The following PNPLA1 variants were observed in gnomAD, a reference collection of about 807,000 sequenced individuals.
PNPLA1 encodes patatin like domain 1, omega-hydroxyceramide transacylase.
PNPLA1 carries 36 observed loss-of-function variants against 51.7 expected under a neutral mutation model. The observed-to-expected ratio is 0.70, with a 90% CI of 0.53 to 0.92. The LOEUF (loss-of-function observed/expected upper bound fraction) is 0.92. Ranked by LOEUF, PNPLA1 falls within the 40% of genes least tolerant of loss-of-function variation. The pLI is 0.00. For missense variants in PNPLA1, 658 were observed against 682.5 expected (o/e 0.96, Z 0.40); for synonymous variants, 293 against 280.1 (o/e 1.05, Z -0.46).
intron 1 of PNPLA1, among the ~76,000 whole-genome samples, chr6:36,246,640 G>A (rs1402176622): frequency 6.6e-6 from 1 of 152,116 alleles, no homozygotes; most frequent in African/African-American, 2.4e-5. Context: ...CAACAGGAAG[G>A]TCCTTTATGC....
intron 1 of PNPLA1, among the ~76,000 whole-genome samples, chr6:36,243,947 C>T (rs1333184259): frequency 2.0e-5 from 3 of 152,202 alleles, no homozygotes; most frequent in African/African-American, 4.8e-5. Flanking sequence ...TCCCAACAGT[C>T]CAGGTGGGTT....
intron 6 of PNPLA1, among the ~76,000 whole-genome samples, chr6:36,302,914 A>G (rs1403415051): frequency 6.6e-6 from 1 of 152,168 alleles, no homozygotes; most frequent in East Asian, 1.9e-4. Context: ...AGTGGTCCGC[A>G]GACCAACCCA....
At chr6:36,254,466 T>C (rs1386401881) in intron 1 of PNPLA1, among the ~76,000 whole-genome samples, 1 of 152,030 alleles carries the variant, frequency 6.6e-6, no homozygotes, top group African/African-American at 2.4e-5. Context: ...GTCCCAGCTA[T>C]GCTGGAGGCT....
chr6:36,292,198 C>G (rs890264614), intron 2 of PNPLA1, among the ~76,000 whole-genome samples: 3 of 152,132 alleles, frequency 2.0e-5, no homozygotes, highest in African/African-American at 7.2e-5. Flanking sequence ...CCCCCACATA[C>G]AGGGGCTTCG....
rs371283191 is a variant in PNPLA1, at chr6:36,270,618, G to A, written c.159G>A (p.Ser53=). The change falls in exon 1 of 9, where the codon TCG becomes TCA. Residue 53 remains serine (S), a synonymous_variant. Transcript: ENST00000636260. Reference sequence around the variant, plus strand: ...CAGCCCACCGCTTTGCGGGGACATCGGCAGGTGCTGTGATCGCCGCCCTGG... The same window carrying A: ...CAGCCCACCGCTTTGCGGGGACATCAGCAGGTGCTGTGATCGCCGCCCTGG... The part of the protein sequence containing the change: ...LETAHRFAGT[S]AGAVIAALAI... 38 of 1,551,500 alleles carry A rather than the reference G, an allele frequency of 2.4e-5. No individual in the cohort carries two copies. The highest frequency in any genetic ancestry group is 1.7e-4 in the East Asian group (7 of 40,930).
At chr6:36,293,232 G>A in intron 3 of PNPLA1, 106 bp downstream of exon 3, 2 of 1,134,086 alleles carry the variant, frequency 1.8e-6, no homozygotes, top group Non-Finnish European at 1.3e-6. Flanking sequence ...TGCAGCGGGA[G>A]GACCTAGAGT....
chr6:36,258,515 T>G (rs976005857), intron 1 of PNPLA1, among the ~76,000 whole-genome samples: 4 of 152,252 alleles, frequency 2.6e-5, no homozygotes, highest in African/African-American at 9.6e-5. Context: ...ATAGTTGTTT[T>G]TTATAATTTT....
chr6:36,293,151 G>A, intron 3 of PNPLA1, 25 bp downstream of exon 3: 2 of 1,610,024 alleles, frequency 1.2e-6, no homozygotes, highest in Non-Finnish European at 1.7e-6. Context: ...ATGGTGAGGG[G>A]TGAGATGGGA....
At position 36,302,062 on chromosome 6, in the gene PNPLA1, C is replaced by T. The variant is rs368719584; in HGVS notation, c.977C>T (p.Pro326Leu). ...PKGDGRGSHG[P>L]PVSQPVQTLE... ...GGGGATGGAAGGGGCAGCCATGGTC[C>T]GCCTGTGTCCCAACCTGTGCAGACA... The change falls in exon 6 of 9, where the codon CCG becomes CTG. Residue 326 changes from proline to leucine, a missense_variant. Pro to Leu is a moderately conservative substitution (Grantham distance 98, BLOSUM62 -3). Transcript: ENST00000636260. 6.6e-5 allele frequency: 107 copies of T among 1,614,190 alleles called. No homozygotes were observed. The highest frequency in any genetic ancestry group is 8.1e-5 in the Non-Finnish European group (96 of 1,180,032).
chr6:36,293,157 T>C (rs1224684491), intron 3 of PNPLA1, 31 bp downstream of exon 3: 4 of 1,607,560 alleles, frequency 2.5e-6, no homozygotes, highest in Non-Finnish European at 2.6e-6. Context: ...AGGGGTGAGA[T>C]GGGATCCAAG....
intron 1 of PNPLA1, among the ~76,000 whole-genome samples, chr6:36,290,358 G>A (rs1289094603): frequency 6.6e-6 from 1 of 152,214 alleles, no homozygotes; most frequent in African/African-American, 2.4e-5. Context: ...CTCGGCTGCA[G>A]AAGAAGCTTT....
intron 1 of PNPLA1, among the ~76,000 whole-genome samples, chr6:36,256,337 A>AG (rs1340127625): frequency 6.6e-6 from 1 of 152,158 alleles, no homozygotes; most frequent in East Asian, 1.9e-4. Context: ...AAAAAAAAAA[A>AG]ATGTAGTCAC....
intron 1 of PNPLA1, among the ~76,000 whole-genome samples, chr6:36,255,039 T>C (rs1769500190): frequency 6.6e-6 from 1 of 152,202 alleles, no homozygotes; most frequent in South Asian, 2.1e-4. Context: ...CTTAACATAA[T>C]CTGTCACTTT....
intron 8 of PNPLA1, among the ~76,000 whole-genome samples, chr6:36,310,689 A>T (rs1156592547): frequency 6.6e-6 from 1 of 152,238 alleles, no homozygotes; most frequent in Admixed American, 6.5e-5. Flanking sequence ...AATTCAGGTT[A>T]TCTGTCACCA....
chr6:36,301,789 C>G (rs1771056649), intron 5 of PNPLA1, 72 bp from the exon 6 acceptor site: 1 of 1,533,706 alleles, frequency 6.5e-7, no homozygotes, highest in African/African-American at 1.4e-5. Context: ...GAAAATAACT[C>G]AAGAAACCAT....
chr6:36,288,949 T>A (rs923566977), intron 1 of PNPLA1, among the ~76,000 whole-genome samples: 1 of 152,074 alleles, frequency 6.6e-6, no homozygotes, highest in Non-Finnish European at 1.5e-5. Flanking sequence ...AGGTTATAAA[T>A]GGATATTTGT....
chr6:36,276,004 G>C (rs1413667985), intron 1 of PNPLA1, among the ~76,000 whole-genome samples: 1 of 139,218 alleles, frequency 7.2e-6, no homozygotes, highest in Non-Finnish European at 1.5e-5. Context: ...TGTTGCCCAG[G>C]CTGACATGCA....
rs79855797 is a variant in PNPLA1, at chr6:36,294,557, A to G, written c.714+158A>G. 3.7e-4 allele frequency among the ~76,000 whole-genome samples: 57 copies of G among 152,324 alleles called. No homozygotes were observed. The East Asian group carries it at 6.2e-3, about 17-fold the overall frequency. On this transcript the variant is annotated intron_variant, in intron 4 of 8. Coordinates refer to ENST00000636260, the MANE Select transcript of PNPLA1 (RefSeq NM_001374623.1). This position sits in a 1 kb window ranked among gnomAD's most constrained non-coding sequence, Gnocchi z 4.2. ...GACCTGCATCCTGGCCTTGCTGCTA[A>G]CTAGCTATGTGACCTTGAACAAGCG... is the stretch of plus-strand genomic sequence containing the variant.
chr6:36,290,065 G>A (rs961855348), intron 1 of PNPLA1, among the ~76,000 whole-genome samples: 4 of 152,172 alleles, frequency 2.6e-5, no homozygotes, highest in Non-Finnish European at 5.9e-5. Context: ...CACTCATGCA[G>A]GAATCTTTTT....
Sources: allele counts gnomAD v4.1 joint callset (sites outside exome capture counted in the v4.1 genomes callset), GRCh38; gene constraint gnomAD v4.1.1; non-coding constraint Gnocchi (gnomAD v3.1); transcripts MANE v1.5; gene names NCBI Gene and HGNC (gene_info 2026-07-23, HGNC 2026-07-21).